NCKAP5: variants seen among roughly 807,000 people sequenced by gnomAD.
NCKAP5 encodes the protein NCK associated protein 5.
NCKAP5 carries 92 observed loss-of-function variants against 167.0 expected under a neutral mutation model. The ratio of observed to expected loss-of-function variants is 0.55; its 90% confidence interval spans 0.47 to 0.66. The LOEUF is 0.66. Among genes scored for constraint, NCKAP5 ranks in the 30% least tolerant of loss-of-function variants. The pLI, the probability that NCKAP5 is intolerant of heterozygous loss-of-function variation, is 0.00. For missense variants in NCKAP5, 2,378 were observed against 2,315.0 expected (o/e 1.03, Z -0.56); for synonymous variants, 891 against 877.4 (o/e 1.02, Z -0.27).
chr2:133,364,966 C>T (rs1685362422), intron 3 of NCKAP5, among the ~76,000 whole-genome samples: 1 of 151,954 alleles, frequency 6.6e-6, no homozygotes, highest in Non-Finnish European at 1.5e-5. Flanking sequence ...GCCCAGACTG[C>T]TCTTGAACTC....
intron 6 of NCKAP5, among the ~76,000 whole-genome samples, chr2:133,085,440 A>G (rs2080955375): frequency 6.6e-6 from 1 of 152,196 alleles, no homozygotes; most frequent in South Asian, 2.1e-4. Context: ...ACATAACCAC[A>G]CACAACATAT....
intron 2 of NCKAP5, among the ~76,000 whole-genome samples, chr2:133,543,555 C>G (rs1686405095): frequency 6.6e-6 from 1 of 152,184 alleles, no homozygotes; most frequent in Non-Finnish European, 1.5e-5. Flanking sequence ...CTGATATTAT[C>G]ACTCCTAAGT....
chr2:132,717,417 C>T (rs1689471663), intron 19 of NCKAP5, among the ~76,000 whole-genome samples: 1 of 152,132 alleles, frequency 6.6e-6, no homozygotes, highest in Non-Finnish European at 1.5e-5. Flanking sequence ...AGAGATTTGT[C>T]ATCTTTAAGT....
chr2:132,955,344 G>A (rs1009370777), intron 8 of NCKAP5, among the ~76,000 whole-genome samples: 3 of 152,144 alleles, frequency 2.0e-5, no homozygotes, highest in African/African-American at 4.8e-5. Flanking sequence ...AAAGCTTGTG[G>A]CACTGGGCAC....
intron 7 of NCKAP5, among the ~76,000 whole-genome samples, chr2:132,965,535 T>C (rs760993054): frequency 6.6e-6 from 1 of 152,188 alleles, no homozygotes; most frequent in Non-Finnish European, 1.5e-5. Context: ...AGTTTTTCAT[T>C]CATCACTCAG....
intron 9 of NCKAP5, among the ~76,000 whole-genome samples, chr2:132,873,976 G>C (rs1373807516): frequency 1.3e-5 from 2 of 152,098 alleles, no homozygotes; most frequent in Non-Finnish European, 2.9e-5. Flanking sequence ...CAAATACAGG[G>C]ACTGCCTCCA....
intron 5 of NCKAP5, among the ~76,000 whole-genome samples, chr2:133,190,753 C>T (rs1028583648): frequency 6.6e-6 from 1 of 152,154 alleles, no homozygotes; most frequent in Non-Finnish European, 1.5e-5. Context: ...TTCCTTACAC[C>T]TTATACAAAA....
At chr2:133,104,738 G>T (rs1458592724) in intron 6 of NCKAP5, among the ~76,000 whole-genome samples, 1 of 152,074 alleles carries the variant, frequency 6.6e-6, no homozygotes, top group African/African-American at 2.4e-5. Context: ...AACACTCAAA[G>T]ATCATTTCAC....
chr2:132,900,732 T>C (rs966769409), intron 8 of NCKAP5, among the ~76,000 whole-genome samples: 6 of 152,066 alleles, frequency 3.9e-5, no homozygotes, highest in African/African-American at 1.4e-4. Context: ...ATTTATCTTT[T>C]GTTATTAGAC....
chr2:132,700,284 C>G (rs1687755529), intron 19 of NCKAP5, among the ~76,000 whole-genome samples: 1 of 149,944 alleles, frequency 6.7e-6, no homozygotes, highest in Admixed American at 6.6e-5. Context: ...TGCCTGTTCA[C>G]TCTGATGGTA....
At chr2:133,303,188 A>G (rs1330752235) in intron 3 of NCKAP5, 78 bp from the exon 4 acceptor site, 3 of 983,164 alleles carry the variant, frequency 3.1e-6, no homozygotes, top group Admixed American at 2.0e-5. Flanking sequence ...TTATCTCTAC[A>G]AGGAGTATTT....
chr2:133,350,111 T>C (rs1339724273), intron 3 of NCKAP5, among the ~76,000 whole-genome samples: 3 of 151,530 alleles, frequency 2.0e-5, no homozygotes, highest in Non-Finnish European at 4.4e-5. Flanking sequence ...TGGCTGGGAG[T>C]GGTGGTTCAT....
chr2:132,935,631 G>C (rs1182910101), intron 8 of NCKAP5, among the ~76,000 whole-genome samples: 2 of 152,112 alleles, frequency 1.3e-5, no homozygotes, highest in Non-Finnish European at 2.9e-5. Context: ...GTAGGTTGGG[G>C]GTGGTGGGGG....
intron 6 of NCKAP5, among the ~76,000 whole-genome samples, chr2:133,074,856 TCTAA>T (rs1310698801): frequency 1.3e-5 from 2 of 151,928 alleles, no homozygotes; most frequent in African/African-American, 2.4e-5. Flanking sequence ...TACCCACAGG[TCTAA>T]CTAACACCCA....
intron 3 of NCKAP5, among the ~76,000 whole-genome samples, chr2:133,465,337 CTCA>C (rs1231539196): frequency 6.6e-6 from 1 of 151,998 alleles, no homozygotes; most frequent in African/African-American, 2.4e-5. Flanking sequence ...AGGACATGAA[CTCA>C]TCATTTTTTA....
chr2:132,983,442 T>A (rs969329700), intron 7 of NCKAP5, among the ~76,000 whole-genome samples: 1 of 152,176 alleles, frequency 6.6e-6, no homozygotes, highest in Non-Finnish European at 1.5e-5. Context: ...TGGCTATGGG[T>A]CTGTCATAGA....
intron 16 of NCKAP5, among the ~76,000 whole-genome samples, chr2:132,767,436 G>T (rs1169255916): frequency 6.6e-6 from 1 of 151,962 alleles, no homozygotes; most frequent in African/African-American, 2.4e-5. Context: ...AGTAGAGATG[G>T]GGTTTCTCCC....
At chr2:133,074,288 A>G (rs1232323474) in intron 6 of NCKAP5, among the ~76,000 whole-genome samples, 3 of 146,560 alleles carry the variant, frequency 2.0e-5, no homozygotes, top group African/African-American at 7.9e-5. Context: ...ATATTCCATG[A>G]AAAAAAAAAC....
chr2:133,095,622 C>A (rs2081322312), intron 6 of NCKAP5, among the ~76,000 whole-genome samples: 1 of 152,210 alleles, frequency 6.6e-6, no homozygotes, highest in Admixed American at 6.5e-5. Flanking sequence ...AGGAGAGGAA[C>A]CACTCAGCTA....
Sources: gnomAD v4.1 joint callset for allele counts (sites outside exome capture counted in the v4.1 genomes callset) on GRCh38, gnomAD v4.1.1 for gene constraint, MANE v1.5 for transcripts, NCBI Gene and HGNC (gene_info 2026-07-23, HGNC 2026-07-21) for gene names.